The following PCDH10 variants were observed in gnomAD, a reference collection of about 807,000 sequenced individuals.
PCDH10 encodes the protein protocadherin-10.
A neutral mutation model predicts 74.4 loss-of-function variants in PCDH10; 15 were observed. The ratio of observed to expected loss-of-function variants is 0.20; its 90% CI spans 0.13 to 0.31. The LOEUF (loss-of-function observed/expected upper bound fraction) is 0.31. Among genes scored for constraint, PCDH10 ranks in the 10% least tolerant of loss-of-function variants. The probability of loss-of-function intolerance (pLI) is 1.00; values close to 1 mark genes in which losing one functional copy is unlikely to be tolerated. For missense variants in PCDH10, 1,260 were observed against 1,390.2 expected (o/e 0.91, Z 1.49); for synonymous variants, 619 against 589.8 (o/e 1.05, Z -0.72).
chr4:133,205,063 C>G (rs1727975408), intron 2 of PCDH10, among the ~76,000 whole-genome samples: 2 of 152,040 alleles, frequency 1.3e-5, no homozygotes, highest in Non-Finnish European at 2.9e-5. Flanking sequence ...TCAGGAAACC[C>G]AGGATAAGCA....
rs1227241099 is a variant in PCDH10 at position 133,190,265 on chromosome 4, G to GA, written c.*105_*106insA. ...ATCTTGGCCATCCAGTTAGTCATGT[G>GA]TAACTGAGTATTAGATTTCGGATGG... is the stretch of plus-strand genomic sequence containing the variant. On this transcript the variant is annotated 3_prime_UTR_variant, in exon 5 of 5. Coordinates refer to ENST00000264360, the MANE Select transcript of PCDH10 (RefSeq NM_032961.3). 1 of 966,654 alleles carries GA rather than the reference G, an allele frequency of 1.0e-6. No homozygotes were observed. Among genetic ancestry groups the GA allele is most frequent in the African/African-American group, 1.6e-5 (1 of 62,104 alleles). The allele number at this position is 966,654 out of a possible 1,614,324, so 59.9% of individuals were successfully genotyped here.
chr4:133,183,213 A>G (rs1283220999), intron 4 of PCDH10, among the ~76,000 whole-genome samples: 1 of 152,136 alleles, frequency 6.6e-6, no homozygotes, highest in African/African-American at 2.4e-5. Flanking sequence ...TTGAGTTACT[A>G]TAACTTCATC....
At chr4:133,163,423 G>T in intron 4 of PCDH10, 141 bp downstream of exon 4, 1 of 652,276 alleles carries the variant, frequency 1.5e-6, no homozygotes, top group Non-Finnish European at 2.6e-6. Context: ...CAGCACTTTA[G>T]GGCAATATTC....
Position 133,150,435 on chromosome 4 carries a change from C to G in PCDH10, c.295C>G (p.Leu99Val). The change falls in exon 1 of 5, where the codon CTG becomes GTG. Residue 99 changes from leucine (L) to valine (V), a missense_variant. By Grantham distance (32) the Leu-to-Val change is conservative (BLOSUM62 1). Around this residue, in one of 11 missense-constraint regions of PCDH10, gnomAD observed 63 missense variants for 100.7 expected, o/e 0.63. Transcript: ENST00000264360. ...PSCVLHLEVFLENPLELFQVE... is the reference protein window; with the variant it reads ...PSCVLHLEVFVENPLELFQVE... ...CTGTGTCCTGCACCTGGAGGTCTTT[C>G]TGGAGAACCCCCTGGAGCTGTTCCA... 6.2e-7 allele frequency: 1 copy of G among 1,614,026 alleles called. No homozygotes were observed. The highest frequency in any genetic ancestry group is 8.5e-7 in the Non-Finnish European group (1 of 1,180,010).
At chr4:133,174,046 C>T (rs1263300724) in intron 4 of PCDH10, among the ~76,000 whole-genome samples, 3 of 151,866 alleles carry the variant, frequency 2.0e-5, no homozygotes, top group Admixed American at 1.3e-4. Context: ...AATATTGAGT[C>T]TTCTCTTTAC....
chr4:133,199,126 A>AC (rs1560718730), downstream of PCDH10, among the ~76,000 whole-genome samples: 2 of 151,468 alleles, frequency 1.3e-5, no homozygotes, highest in African/African-American at 4.9e-5. Context: ...TACAAAAAAA[A>AC]TTTTTAAAAA....
At chr4:133,181,895 A>G (rs1578573082) in intron 4 of PCDH10, among the ~76,000 whole-genome samples, 2 of 152,072 alleles carry the variant, frequency 1.3e-5, no homozygotes, top group Non-Finnish European at 2.9e-5. Context: ...ATATTTACCA[A>G]CCCAGAACTT....
Position 133,149,958 on chromosome 4 carries a change from G to A in PCDH10, c.-183G>A. 1.3e-6 allele frequency: 1 copy of A among 761,746 alleles called. No individual in the cohort carries two copies. Among genetic ancestry groups the A allele is most frequent in the Non-Finnish European group, 1.9e-6 (1 of 530,842 alleles). 47.2% of individuals were successfully genotyped at this position (761,746 alleles called of 1,614,324 possible). A position where few individuals can be genotyped will look rare whatever the true frequency, so the allele number is the denominator to read the frequency against. ...CTAAGATTTAAAAAAAAATGAGGCT[G>A]GATTGCGGGAAGCTCTAAAATGAAG... On this transcript the variant is annotated 5_prime_UTR_variant, in exon 1 of 5. Transcript: ENST00000264360.
intron 2 of PCDH10, among the ~76,000 whole-genome samples, chr4:133,204,635 G>GA (rs1258920896): frequency 6.6e-6 from 1 of 152,158 alleles, no homozygotes; most frequent in Non-Finnish European, 1.5e-5. Context: ...TTCCAATTTG[G>GA]CCTTCCCAGT....
At chr4:133,205,321 T>A (rs1272705729) in intron 2 of PCDH10, among the ~76,000 whole-genome samples, 1 of 152,162 alleles carries the variant, frequency 6.6e-6, no homozygotes, top group East Asian at 1.9e-4. Context: ...CATGTCAAAT[T>A]TTTCTGTTGT....
chr4:133,184,606 G>A (rs1322906164), intron 4 of PCDH10, among the ~76,000 whole-genome samples: 1 of 149,770 alleles, frequency 6.7e-6, no homozygotes, highest in Non-Finnish European at 1.5e-5. Context: ...GCAAGACTGT[G>A]TCTCAAAAAT....
At chr4:133,200,006 G>C (rs1413685757) in intron 2 of PCDH10, among the ~76,000 whole-genome samples, 1 of 151,196 alleles carries the variant, frequency 6.6e-6, no homozygotes, top group Non-Finnish European at 1.5e-5. Context: ...CACCGTGTTA[G>C]CCAGGATGGT....
chr4:133,162,811 A>G (rs530861581), intron 3 of PCDH10, among the ~76,000 whole-genome samples, 166 bp from the exon 4 acceptor site: 2 of 152,348 alleles, frequency 1.3e-5, no homozygotes, highest in East Asian at 3.9e-4. Flanking sequence ...AAAGTGATGA[A>G]CAAAAATGAG....
At chr4:133,207,855 G>A (rs1728038457) in intron 2 of PCDH10, among the ~76,000 whole-genome samples, 1 of 152,268 alleles carries the variant, frequency 6.6e-6, no homozygotes, top group South Asian at 2.1e-4. Context: ...AGGGTTGACA[G>A]CCTCTGTGAT....
chr4:133,183,949 C>T (rs754892444), intron 4 of PCDH10, among the ~76,000 whole-genome samples: 2 of 151,652 alleles, frequency 1.3e-5, no homozygotes, highest in Admixed American at 6.6e-5. Context: ...AACTGTTTGC[C>T]GATTTCTTAT....
Position 133,150,039 on chromosome 4 carries a change from C to T in PCDH10, c.-102C>T. The T allele has an allele frequency of 6.9e-7, 1 of 1,440,962 alleles. No homozygotes were observed. The highest frequency in any genetic ancestry group is 1.7e-5 in the South Asian group (1 of 59,536). The allele number at this position is 1,440,962 out of a possible 1,614,324, so 89.3% of individuals were successfully genotyped here. ...GCCACAGGAGCCCCCACGTAGCGCACTTTTATTTGTATTTTTTCAGATTTT... is the reference window on the plus strand; with the variant it reads ...GCCACAGGAGCCCCCACGTAGCGCATTTTTATTTGTATTTTTTCAGATTTT... On this transcript the variant is annotated 5_prime_UTR_variant, in exon 1 of 5. Coordinates refer to ENST00000264360, the MANE Select transcript of PCDH10 (RefSeq NM_032961.3).
intron 2 of PCDH10, among the ~76,000 whole-genome samples, chr4:133,203,260 C>G (rs144478854): frequency 1.3e-5 from 2 of 152,136 alleles, no homozygotes; most frequent in African/African-American, 4.8e-5. Flanking sequence ...AATTTTATAT[C>G]TTTATTTCAA....
rs1416035905 is a variant in PCDH10 at position 133,191,027 on chromosome 4, G to A, written c.*867G>A. 6.6e-6 allele frequency: 1 copy of A among 152,284 alleles called. No individual in the cohort carries two copies. Among genetic ancestry groups the A allele is most frequent in the Non-Finnish European group, 1.5e-5 (1 of 67,886 alleles). 9.4% of individuals were successfully genotyped at this position (152,284 alleles called of 1,614,324 possible). A position where few individuals can be genotyped will look rare whatever the true frequency, so the allele number is the denominator to read the frequency against. On this transcript the variant is annotated 3_prime_UTR_variant, in exon 5 of 5. Transcript: ENST00000264360. The stretch of plus-strand genomic sequence containing the variant: ...TTTCAATGCCAAAGATGTAGCTATT[G>A]ATGTTATCAGACAGAGCACTGACTA...
Position 133,159,185 on chromosome 4 carries a change from G to A in PCDH10, c.2798-3792G>A, listed in dbSNP as rs150852490. ...TTGTTGCACAAAAAGAAATGTTCAC[G>A]CAATATTGTATTATGACAGTCACCG... is the stretch of plus-strand genomic sequence containing the variant. On this transcript the variant is annotated intron_variant, in intron 3 of 4. Transcript: ENST00000264360. Among the ~76,000 whole-genome samples the A allele has an allele frequency of 1.1e-4, 16 of 152,050 alleles. No individual in the cohort carries two copies. In the East Asian group the frequency reaches 1.7e-3, roughly 17 times the overall value.
Sources: allele counts gnomAD v4.1 joint callset (sites outside exome capture counted in the v4.1 genomes callset), GRCh38; gene constraint gnomAD v4.1.1; regional missense constraint gnomAD v4.1.1; transcripts MANE v1.5; gene names NCBI Gene and HGNC (gene_info 2026-07-23, HGNC 2026-07-21).